Variants in LRP2 observed in about 807,000 individuals in gnomAD.
LRP2 encodes the protein LDL receptor related protein 2.
In LRP2, 172 loss-of-function variants were observed where a neutral mutation model predicts 531.0. The ratio of observed to expected loss-of-function variants is 0.32; its 90% confidence interval spans 0.29 to 0.37. The LOEUF is 0.37. Among genes scored for constraint, LRP2 ranks in the 10% least tolerant of loss-of-function variants. The probability of loss-of-function intolerance (pLI) is 1.00; values close to 1 mark genes in which losing one functional copy is unlikely to be tolerated. For missense variants in LRP2, 5,167 were observed against 5,868.3 expected (o/e 0.88, Z 3.90); for synonymous variants, 1,992 against 2,027.6 (o/e 0.98, Z 0.47).
At chr2:169,139,397 C>T (rs775342039) in intron 73 of LRP2, 26 bp from the exon 74 acceptor site, 1 of 1,614,166 alleles carries the variant, frequency 6.2e-7, no homozygotes, top group Non-Finnish European at 8.5e-7. Context: ...GCAGAGAGCA[C>T]ATCAACACAT....
rs570762306 is a variant in LRP2 at position 169,317,990 on chromosome 2, T to A, written c.310+772A>T. Among the ~76,000 whole-genome samples, 173 of 152,062 alleles carry A rather than the reference T, an allele frequency of 1.1e-3. 1 individual carries two copies. Among genetic ancestry groups the A allele is most frequent in the Non-Finnish European group, 1.2e-3 (83 of 67,968 alleles). The stretch of plus-strand genomic sequence containing the variant: ...TACTCAGGAGGCTTAAGCAGGAGGA[T>A]TACCTGAGCCCCGGTGTTTGAGGCT... On this transcript the variant is annotated intron_variant, in intron 3 of 78. Transcript: ENST00000649046.
chr2:169,278,483 CAA>C (rs879544634), intron 12 of LRP2, among the ~76,000 whole-genome samples: 1 of 146,014 alleles, frequency 6.8e-6, no homozygotes, highest in East Asian at 2.0e-4. Context: ...GAACCTGTCT[CAA>C]AAAAAAAAAA....
Position 169,239,667 on chromosome 2 carries a change from G to C in LRP2, c.4154C>G (p.Ser1385Cys). The change falls in exon 26 of 79, where the codon TCT (serine) becomes TGT (cysteine). Residue 1385 changes from serine (S) to cysteine (C), a missense_variant. This residue lies in a region of LRP2 where 2,811 missense variants were observed against 3,058.0 expected (regional missense o/e 0.92). Transcript: ENST00000649046. ...TTCATCTATGTCTTCACAGGTCTTA[G>C]AATCATTGGCAAGTAAGAATCCCAA... is the stretch of plus-strand genomic sequence containing the variant. The part of the protein sequence containing the change: ...CPLGFLLAND[S>C]KTCEDIDECD... The C allele has an allele frequency of 1.2e-6, 2 of 1,613,964 alleles. No individual in the cohort carries two copies. The highest frequency in any genetic ancestry group is 1.7e-6 in the Non-Finnish European group (2 of 1,179,842).
At chr2:169,354,286 A>G (rs1685933097) in intron 1 of LRP2, among the ~76,000 whole-genome samples, 1 of 152,210 alleles carries the variant, frequency 6.6e-6, no homozygotes, top group South Asian at 2.1e-4. Context: ...ACTTATTTTC[A>G]AAGTTACCAG....
In LRP2 at chr2:169,174,028, G is replaced by A; in HGVS notation, c.10905C>T (p.Cys3635=). ...EDSSHCASRT[C]RPGQFRCANG... Reference sequence around the variant, plus strand: ...TAGCACACCGAAACTGGCCCGGCCGGCAGGTCCTGCTGGCACAGTGGGAAC... The same window carrying A: ...TAGCACACCGAAACTGGCCCGGCCGACAGGTCCTGCTGGCACAGTGGGAAC... The change falls in exon 56 of 79, where the codon TGC becomes TGT. Residue 3635 remains cysteine (C), a synonymous_variant. Transcript: ENST00000649046. 1.9e-6 allele frequency: 3 copies of A among 1,614,242 alleles called. No homozygotes were observed. The highest frequency in any genetic ancestry group is 2.5e-6 in the Non-Finnish European group (3 of 1,180,048).
chr2:169,157,269 C>A (rs1243900689), intron 64 of LRP2, 102 bp downstream of exon 64: 4 of 1,229,010 alleles, frequency 3.3e-6, no homozygotes, highest in East Asian at 4.8e-5. Context: ...AGTATGGTAC[C>A]ATTAAGGGAA....
chr2:169,266,531 G>A lies in LRP2; in HGVS notation c.2320+4373C>T, dbSNP rs534054422. ...CAACCTTATGAGCAATATATGAACCGCATATTTTTCAGACTAGAAAATTGA... is the reference window on the plus strand; with the variant it reads ...CAACCTTATGAGCAATATATGAACCACATATTTTTCAGACTAGAAAATTGA... On this transcript the variant is annotated intron_variant, in intron 16 of 78. Transcript: ENST00000649046. Among the ~76,000 whole-genome samples, 15 of 152,110 alleles carry A rather than the reference G, an allele frequency of 9.9e-5. 1 individual carries two copies. In the South Asian group the frequency reaches 2.3e-3, roughly 23 times the overall value.
At chr2:169,151,574 T>A (rs2105354820) in intron 67 of LRP2, among the ~76,000 whole-genome samples, 1 of 152,040 alleles carries the variant, frequency 6.6e-6, no homozygotes, top group Admixed American at 6.5e-5. Flanking sequence ...CAAAGATGAG[T>A]GGAAACAGCC....
At chr2:169,294,103 A>C (rs1186886424) in intron 6 of LRP2, 45 bp downstream of exon 6, 1 of 1,387,222 alleles carries the variant, frequency 7.2e-7, no homozygotes, top group East Asian at 2.3e-5. Flanking sequence ...GAAACAAAAC[A>C]AAACACTCCC....
intron 3 of LRP2, among the ~76,000 whole-genome samples, chr2:169,313,397 T>C (rs1684671171): frequency 6.6e-6 from 1 of 152,098 alleles, no homozygotes; most frequent in Non-Finnish European, 1.5e-5. Context: ...TTGGTGTAGA[T>C]GCCCTTTCTG....
At chr2:169,168,797 T>A in intron 60 of LRP2, 121 bp from the exon 61 acceptor site, 1 of 1,095,548 alleles carries the variant, frequency 9.1e-7, no homozygotes, top group South Asian at 1.3e-5. Flanking sequence ...TTCATCAAGA[T>A]GTATAGTGGC....
chr2:169,133,347 A>G lies in LRP2; in HGVS notation c.13621-666T>C, dbSNP rs370070950. ...CTTTTCCTATATTTTCACATTCATT[A>G]CTTGTTTATTCTGAAACTTGGATAT... is the stretch of plus-strand genomic sequence containing the variant. On this transcript the variant is annotated intron_variant, in intron 76 of 78. Coordinates refer to ENST00000649046, the MANE Select transcript of LRP2 (RefSeq NM_004525.3). 3.3e-5 allele frequency among the ~76,000 whole-genome samples: 5 copies of G among 152,330 alleles called. 1 individual carries two copies.
chr2:169,268,836 C>T (rs1398529306), intron 16 of LRP2, among the ~76,000 whole-genome samples: 2 of 152,114 alleles, frequency 1.3e-5, no homozygotes, highest in Admixed American at 6.6e-5. Context: ...GATGATATGA[C>T]TGTATATTTA....
intron 20 of LRP2, 126 bp downstream of exon 20, chr2:169,247,252 G>C (rs942970145): frequency 9.5e-7 from 1 of 1,054,704 alleles, no homozygotes. Flanking sequence ...TTATGTGAAC[G>C]ACAAGAATAT....
chr2:169,310,572 A>G (rs568512746), intron 3 of LRP2, among the ~76,000 whole-genome samples: 4 of 152,172 alleles, frequency 2.6e-5, no homozygotes, highest in South Asian at 2.1e-4. Context: ...TGGTGGATAA[A>G]CTTTTTGATG....
intron 55 of LRP2, 133 bp downstream of exon 55, chr2:169,175,060 A>T (rs930948447): frequency 4.0e-5 from 30 of 745,094 alleles, no homozygotes; most frequent in Non-Finnish European, 4.5e-6. Flanking sequence ...TAGAAAAAGG[A>T]TGGAGCCTGA....
intron 16 of LRP2, among the ~76,000 whole-genome samples, chr2:169,261,477 T>A (rs552049935): frequency 6.6e-6 from 1 of 150,992 alleles, no homozygotes; most frequent in South Asian, 2.1e-4. Flanking sequence ...ATTAGCTAAT[T>A]TGATTTCTGA....
At chr2:169,131,592 G>A (rs1372062745) in intron 77 of LRP2, among the ~76,000 whole-genome samples, 1 of 152,110 alleles carries the variant, frequency 6.6e-6, no homozygotes, top group South Asian at 2.1e-4. Flanking sequence ...AGATCCTAGC[G>A]GTTCTCAACC....
chr2:169,150,824 T>A lies in LRP2; in HGVS notation c.12590+74A>T, dbSNP rs1686091493. On this transcript the variant is annotated intron_variant, in intron 68 of 78. Transcript: ENST00000649046. The stretch of plus-strand genomic sequence containing the variant: ...TTTCAGTTAAACTAGGAAAAAAAAA[T>A]TATAAGAAACATGGAATTTGATGAG... 4 of 1,588,768 alleles carry A rather than the reference T, an allele frequency of 2.5e-6. No individual in the cohort carries two copies. The Admixed American group carries it at 5.1e-5, about 20-fold the overall frequency.
Sources: gnomAD v4.1 joint callset for allele counts (sites outside exome capture counted in the v4.1 genomes callset) on GRCh38, gnomAD v4.1.1 for gene constraint, gnomAD v4.1.1 regional missense constraint, MANE v1.5 for transcripts, NCBI Gene and HGNC (gene_info 2026-07-23, HGNC 2026-07-21) for gene names.